The following VWA3B variants were observed in gnomAD, a reference collection of about 807,000 sequenced individuals.
VWA3B encodes von Willebrand factor A domain containing 3B.
A neutral mutation model predicts 158.3 loss-of-function variants in VWA3B; 138 were observed. The ratio of observed to expected loss-of-function variants is 0.87; its 90% confidence interval spans 0.76 to 1.00. The LOEUF is 1.00. VWA3B is among the 50% of genes least tolerant of loss of function. The probability of loss-of-function intolerance (pLI) is 0.00; values close to 1 mark genes in which losing one functional copy is unlikely to be tolerated. For missense variants in VWA3B, 1,555 were observed against 1,565.1 expected, an observed-to-expected ratio of 0.99 and a Z score of 0.11; for synonymous variants, 596 against 587.3, an observed-to-expected ratio of 1.01 and a Z score of -0.21.
chr2:98,211,313 G>A (rs1401164882), intron 12 of VWA3B, among the ~76,000 whole-genome samples: 1 of 152,120 alleles, frequency 6.6e-6, no homozygotes, highest in African/African-American at 2.4e-5. Flanking sequence ...ATGGTCCCTT[G>A]GTAAGGATCA....
intron 21 of VWA3B, among the ~76,000 whole-genome samples, chr2:98,264,427 A>G (rs1335802263): frequency 1.3e-5 from 2 of 151,908 alleles, no homozygotes; most frequent in Admixed American, 6.6e-5. Context: ...TTTTTCCTTC[A>G]TTTATCTCAA....
chr2:98,303,580 G>T, intron 25 of VWA3B, 122 bp from the exon 26 acceptor site: 1 of 864,564 alleles, frequency 1.2e-6, no homozygotes. Context: ...ACTCTTTTAA[G>T]TGTCACCCTG....
chr2:98,115,516 A>G (rs182027314), intron 2 of VWA3B, 136 bp from the exon 3 acceptor site: 2 of 653,962 alleles, frequency 3.1e-6, no homozygotes, highest in Admixed American at 2.5e-5. Context: ...GATTTAGAAC[A>G]GAATAGAAAG....
chr2:98,171,775 G>C lies in VWA3B; in HGVS notation c.1114+8799G>C, dbSNP rs546648839. On this transcript the variant is annotated intron_variant, in intron 8 of 27. Transcript: ENST00000477737. The stretch of plus-strand genomic sequence containing the variant: ...GGAAGAGAATAAAGATGTTAGTACA[G>C]TGATGGTGGCATCCTGGACAAGAGT... Among the ~76,000 whole-genome samples, 13 of 152,330 alleles carry C rather than the reference G, an allele frequency of 8.5e-5. No homozygotes were observed. The East Asian group carries it at 2.1e-3, about 25-fold the overall frequency.
intron 8 of VWA3B, among the ~76,000 whole-genome samples, chr2:98,170,203 G>A (rs1310009080): frequency 2.0e-5 from 3 of 152,288 alleles, no homozygotes; most frequent in East Asian, 3.9e-4. Flanking sequence ...CTTTGATGAT[G>A]CTGCCTCTCA....
chr2:98,246,954 T>A (rs1294608704), intron 19 of VWA3B, among the ~76,000 whole-genome samples: 1 of 152,130 alleles, frequency 6.6e-6, no homozygotes, highest in East Asian at 1.9e-4. Context: ...TGATCACTGC[T>A]TGTATTTCTA....
At chr2:98,329,763 G>A in the VWA3B span, among the ~76,000 whole-genome samples, 1 of 152,170 alleles carries the variant, frequency 6.6e-6, no homozygotes, top group Non-Finnish European at 1.5e-5. Context: ...TAATCTGGGT[G>A]GGCCTGGCTC....
chr2:98,088,920 A>C (rs560011624), intron 1 of VWA3B, among the ~76,000 whole-genome samples: 59 of 151,856 alleles, frequency 3.9e-4, no homozygotes, highest in African/African-American at 1.4e-3. Context: ...TGCCCGGCTA[A>C]TTTTTGTATT....
At chr2:98,174,695 C>T (rs1380411889) in intron 8 of VWA3B, among the ~76,000 whole-genome samples, 1 of 152,172 alleles carries the variant, frequency 6.6e-6, no homozygotes, top group Non-Finnish European at 1.5e-5. Flanking sequence ...CAGGCAGGCA[C>T]ATGCACAGGG....
At chr2:98,284,304 A>G (rs1426679298) in intron 22 of VWA3B, among the ~76,000 whole-genome samples, 1 of 152,088 alleles carries the variant, frequency 6.6e-6, no homozygotes, top group Non-Finnish European at 1.5e-5. Context: ...TATAAACCGT[A>G]TTTCCGCTTA....
chr2:98,172,804 G>A (rs1679707777), intron 8 of VWA3B, among the ~76,000 whole-genome samples: 1 of 152,184 alleles, frequency 6.6e-6, no homozygotes, highest in Non-Finnish European at 1.5e-5. Context: ...TGAACCTATT[G>A]AGACTGAAGA....
chr2:98,190,125 T>C (rs1403912352), intron 10 of VWA3B, among the ~76,000 whole-genome samples: 3 of 152,324 alleles, frequency 2.0e-5, no homozygotes, highest in Non-Finnish European at 4.4e-5. Context: ...TTACTGGTTT[T>C]TTGCCTTCTT....
chr2:98,201,234 T>G (rs898612585), intron 12 of VWA3B, among the ~76,000 whole-genome samples: 2 of 152,238 alleles, frequency 1.3e-5, no homozygotes, highest in African/African-American at 4.8e-5. Context: ...CGTCTAACAC[T>G]GTGTACCTCT....
chr2:98,224,963 C>T (rs973702030), intron 14 of VWA3B, among the ~76,000 whole-genome samples: 3 of 151,588 alleles, frequency 2.0e-5, no homozygotes, highest in Admixed American at 2.0e-4. Flanking sequence ...AATATTTGTT[C>T]TTTTTTTTTA....
chr2:98,096,777 T>A (rs188761272), intron 2 of VWA3B, among the ~76,000 whole-genome samples: 2 of 152,184 alleles, frequency 1.3e-5, no homozygotes, highest in African/African-American at 4.8e-5. Context: ...TTTCCTTTTT[T>A]ACCTCTGATT....
chr2:98,194,235 A>G, intron 11 of VWA3B, 126 bp from the exon 12 acceptor site: 1 of 850,830 alleles, frequency 1.2e-6, no homozygotes, highest in Non-Finnish European at 1.8e-6. Context: ...TCTATTGAAT[A>G]TAATTTTTTG....
intron 10 of VWA3B, among the ~76,000 whole-genome samples, chr2:98,192,602 A>G (rs1041581461): frequency 1.3e-5 from 2 of 152,132 alleles, no homozygotes; most frequent in African/African-American, 4.8e-5. Flanking sequence ...CACAGGGGAT[A>G]TGATGGCTTA....
intron 7 of VWA3B, among the ~76,000 whole-genome samples, chr2:98,139,718 G>A (rs1676602284): frequency 1.3e-5 from 2 of 152,004 alleles, no homozygotes; most frequent in African/African-American, 4.8e-5. Flanking sequence ...TCTAGCTCAG[G>A]GATTGTAAAC....
At chr2:98,182,648 G>A (rs756882830) in intron 9 of VWA3B, among the ~76,000 whole-genome samples, 1 of 152,168 alleles carries the variant, frequency 6.6e-6, no homozygotes, top group Non-Finnish European at 1.5e-5. Context: ...GGCCAGGCAT[G>A]GTGGCTTACG....
Sources: allele counts gnomAD v4.1 joint callset (sites outside exome capture counted in the v4.1 genomes callset), GRCh38; gene constraint gnomAD v4.1.1; transcripts MANE v1.5; gene names NCBI Gene and HGNC (gene_info 2026-07-23, HGNC 2026-07-21).